SGCZ: variants seen among roughly 807,000 people sequenced by gnomAD.
The protein encoded by SGCZ is sarcoglycan zeta.
A neutral mutation model predicts 41.3 loss-of-function variants in SGCZ; 40 were observed. The ratio of observed to expected loss-of-function variants is 0.97; its 90% CI spans 0.75 to 1.26. The LOEUF is 1.26. SGCZ is among the 50% of genes most tolerant of loss of function. The pLI is 0.00. For missense variants in SGCZ, 552 were observed against 369.8 expected (o/e 1.49, Z -4.04); for synonymous variants, 206 against 137.5 (o/e 1.50, Z -3.49).
chr8:14,545,529 A>G (rs1424171528), intron 2 of SGCZ, among the ~76,000 whole-genome samples: 1 of 152,014 alleles, frequency 6.6e-6, no homozygotes, highest in South Asian at 2.1e-4. Flanking sequence ...GCATCATATT[A>G]TTTAAGATAT....
At chr8:14,229,323 G>T (rs966036018) in intron 4 of SGCZ, among the ~76,000 whole-genome samples, 1 of 152,028 alleles carries the variant, frequency 6.6e-6, no homozygotes, top group Non-Finnish European at 1.5e-5. Context: ...GATCACTAGT[G>T]TCTTTCCTTC....
chr8:15,095,329 C>T (rs1409180081), intron 1 of SGCZ, among the ~76,000 whole-genome samples: 2 of 152,106 alleles, frequency 1.3e-5, no homozygotes, highest in African/African-American at 4.8e-5. Context: ...AAATTCCTGA[C>T]CTCAAGTGAT....
intron 1 of SGCZ, among the ~76,000 whole-genome samples, chr8:15,091,154 G>T (rs1473827840): frequency 6.6e-6 from 1 of 152,158 alleles, no homozygotes; most frequent in Non-Finnish European, 1.5e-5. Context: ...GGCCAGGATA[G>T]ATGGTAGATG....
chr8:15,168,227 T>C (rs1039724194), intron 1 of SGCZ, among the ~76,000 whole-genome samples: 4 of 151,966 alleles, frequency 2.6e-5, no homozygotes, highest in Non-Finnish European at 5.9e-5. Flanking sequence ...GAAAACTGGG[T>C]CTAAGGGATT....
At chr8:14,102,249 A>C in intron 7 of SGCZ, 127 bp downstream of exon 7, 1 of 1,086,054 alleles carries the variant, frequency 9.2e-7, no homozygotes, top group Non-Finnish European at 1.2e-6. Flanking sequence ...TACTTTCCTA[A>C]GTTACAACTC....
intron 2 of SGCZ, among the ~76,000 whole-genome samples, chr8:14,365,098 C>T (rs145057410): frequency 1.9e-3 from 295 of 151,968 alleles, no homozygotes; most frequent in African/African-American, 6.5e-3. Context: ...AAACAGCATG[C>T]CCTTTTCACT....
chr8:14,624,555 A>ATTTTT (rs750064815), intron 1 of SGCZ, among the ~76,000 whole-genome samples: 1 of 96,246 alleles, frequency 1.0e-5, no homozygotes, highest in African/African-American at 4.0e-5. Flanking sequence ...TATTATTATT[A>ATTTTT]TTTTTTTTTT....
At chr8:14,916,893 A>T (rs549787744) in intron 1 of SGCZ, among the ~76,000 whole-genome samples, 3 of 152,038 alleles carry the variant, frequency 2.0e-5, no homozygotes, top group East Asian at 3.9e-4. Flanking sequence ...TTATTTATGA[A>T]TTTTTTTTGT....
chr8:14,355,132 A>G (rs1350647325), intron 2 of SGCZ, among the ~76,000 whole-genome samples: 2 of 152,006 alleles, frequency 1.3e-5, no homozygotes, highest in Admixed American at 1.3e-4. Flanking sequence ...CAATCTCTTC[A>G]ATCTTTATTA....
intron 1 of SGCZ, among the ~76,000 whole-genome samples, chr8:14,723,461 A>G (rs928804717): frequency 6.6e-6 from 1 of 152,080 alleles, no homozygotes; most frequent in Non-Finnish European, 1.5e-5. Flanking sequence ...TTTCTGGAGA[A>G]CAGAGGGAGA....
chr8:14,868,002 A>G (rs994294675), intron 1 of SGCZ, among the ~76,000 whole-genome samples: 2 of 151,998 alleles, frequency 1.3e-5, no homozygotes, highest in African/African-American at 2.4e-5. Flanking sequence ...ATTCCACATG[A>G]TTGAGTCCCT....
intron 1 of SGCZ, among the ~76,000 whole-genome samples, chr8:14,858,856 G>GT (rs1182612746): frequency 6.6e-6 from 1 of 152,056 alleles, no homozygotes; most frequent in Non-Finnish European, 1.5e-5. Context: ...TTTATATCAA[G>GT]TATTTGTTGA....
chr8:14,267,433 A>G (rs1799912486), intron 3 of SGCZ, among the ~76,000 whole-genome samples: 1 of 152,092 alleles, frequency 6.6e-6, no homozygotes, highest in Admixed American at 6.5e-5. Context: ...GTTTGCTATA[A>G]GATTTTGATA....
Position 14,726,311 on chromosome 8 carries a change from CATATATATATATCT to C in SGCZ, c.40-171399_40-171386del, listed in dbSNP as rs1325451481. On this transcript the variant is annotated intron_variant, in intron 1 of 7. Coordinates refer to ENST00000382080, the MANE Select transcript of SGCZ (RefSeq NM_139167.4). ...GTGTGTGTGTGTATATGTGTAAATA[CATATATATATATCT>C]ATATATATATATATATAAAATTAGA... Among the ~76,000 whole-genome samples, 8 of 107,674 alleles carry C rather than the reference CATATATATATATCT, an allele frequency of 7.4e-5. No homozygotes were observed. The South Asian group carries it at 9.0e-4, about 12-fold the overall frequency. The allele number at this position is 107,674 out of a possible 152,430, so 70.6% of individuals were successfully genotyped here. A position where few individuals can be genotyped will look rare whatever the true frequency, so the allele number is the denominator to read the frequency against.
At chr8:14,808,029 T>G (rs1002072344) in intron 1 of SGCZ, among the ~76,000 whole-genome samples, 6 of 152,140 alleles carry the variant, frequency 3.9e-5, no homozygotes, top group African/African-American at 4.8e-5. Context: ...GCTAGCCATA[T>G]GTAGAAAGCT....
At chr8:15,069,271 T>C (rs1246659088) in intron 1 of SGCZ, among the ~76,000 whole-genome samples, 1 of 152,142 alleles carries the variant, frequency 6.6e-6, no homozygotes, top group East Asian at 1.9e-4. Context: ...TGGCCTCAAG[T>C]GATCCTCCTG....
intron 1 of SGCZ, among the ~76,000 whole-genome samples, chr8:14,833,704 A>ATTTCC (rs1451050381): frequency 6.6e-6 from 1 of 152,196 alleles, no homozygotes; most frequent in African/African-American, 2.4e-5. Context: ...TTTTTCTGCT[A>ATTTCC]TAGGAAGAAG....
At chr8:14,639,779 A>T (rs1052572749) in intron 1 of SGCZ, among the ~76,000 whole-genome samples, 1 of 151,532 alleles carries the variant, frequency 6.6e-6, no homozygotes, top group African/African-American at 2.4e-5. Context: ...CATGTGAGAG[A>T]CTTTTTTTTT....
chr8:15,098,037 G>C (rs1806453436), intron 1 of SGCZ, among the ~76,000 whole-genome samples: 3 of 151,448 alleles, frequency 2.0e-5, no homozygotes. Flanking sequence ...AATTAAACTG[G>C]TGTTGTAAGC....
Sources: allele counts gnomAD v4.1 joint callset (sites outside exome capture counted in the v4.1 genomes callset), GRCh38; gene constraint gnomAD v4.1.1; transcripts MANE v1.5; gene names NCBI Gene and HGNC (gene_info 2026-07-23, HGNC 2026-07-21).